Variants in PCDHGA12 observed in about 807,000 individuals in gnomAD.
PCDHGA12 encodes protocadherin gamma subfamily A, 12, also known as protocadherin gamma-A12.
PCDHGA12 carries 43 observed loss-of-function variants against 61.1 expected under a neutral mutation model. The ratio of observed to expected loss-of-function variants is 0.70; its 90% confidence interval spans 0.55 to 0.91. The LOEUF (loss-of-function observed/expected upper bound fraction) is 0.91. Ranked by LOEUF, PCDHGA12 falls within the 40% of genes least tolerant of loss-of-function variation. The pLI is 0.00. For synonymous variants in PCDHGA12, 520 were observed against 542.9 expected (o/e 0.96, Z 0.59); for missense variants, 1,236 against 1,227.7 (o/e 1.01, Z -0.10).
intron 1 of PCDHGA12, among the ~76,000 whole-genome samples, chr5:141,474,463 T>C (rs1447737626): frequency 6.6e-6 from 1 of 152,228 alleles, no homozygotes; most frequent in Admixed American, 6.5e-5. Flanking sequence ...GCTATACTCT[T>C]TATTCTAAAT....
chr5:141,432,803 G>T lies in PCDHGA12; in HGVS notation c.2044G>T (p.Ala682Ser), dbSNP rs751950423. 3 of 1,614,160 alleles carry T rather than the reference G, an allele frequency of 1.9e-6. No homozygotes were observed. The highest frequency in any genetic ancestry group is 2.2e-5 in the East Asian group (1 of 44,874). ...LADLGSLESP[A>S]NSETSDLTLY... is the part of the protein sequence containing the mutation. ...GGACCTCGGCAGCCTCGAGTCTCCA[G>T]CTAACTCTGAAACCTCAGACCTCAC... The change falls in exon 1 of 4, where the codon GCT becomes TCT. Residue 682 changes from alanine to serine, a missense_variant. Ala to Ser is a moderately conservative substitution (Grantham distance 99). Coordinates refer to ENST00000252085, the MANE Select transcript of PCDHGA12 (RefSeq NM_003735.3). This position sits in a 1 kb window ranked among gnomAD's most constrained non-coding sequence, Gnocchi z 6.0.
chr5:141,437,165 T>A (rs62379162), intron 1 of PCDHGA12, among the ~76,000 whole-genome samples: 3,747 of 152,330 alleles, frequency 0.025, 69 homozygotes, highest in Middle Eastern at 0.085. Context: ...TGTTGATTGT[T>A]TTCTGAGACT....
chr5:141,490,544 A>G lies in PCDHGA12; in HGVS notation c.2425-4263A>G. 6.2e-7 allele frequency: 1 copy of G among 1,614,120 alleles called. No individual in the cohort carries two copies. Among genetic ancestry groups the G allele is most frequent in the Non-Finnish European group, 8.5e-7 (1 of 1,180,028 alleles). ...AGCGATGCTGGTTCACCTTCCCTAC[A>G]CAAACATCTCACCATCAGGCTCAAC... On this transcript the variant is annotated intron_variant, in intron 1 of 3. Transcript: ENST00000252085. This position sits in a 1 kb window ranked among gnomAD's most constrained non-coding sequence, Gnocchi z 5.4.
Position 141,490,982 on chromosome 5 carries a change from G to A in PCDHGA12, c.2425-3825G>A, listed in dbSNP as rs964673026. 5 of 1,613,994 alleles carry A rather than the reference G, an allele frequency of 3.1e-6. No homozygotes were observed. Among genetic ancestry groups the A allele is most frequent in the Admixed American group, 1.7e-5 (1 of 60,020 alleles). On this transcript the variant is annotated intron_variant, in intron 1 of 3. Coordinates refer to ENST00000252085, the MANE Select transcript of PCDHGA12 (RefSeq NM_003735.3). This position sits in a 1 kb window ranked among gnomAD's most constrained non-coding sequence, Gnocchi z 5.4. The stretch of plus-strand genomic sequence containing the variant: ...CACTCAGCCCCCCAGCGTCTCCCTC[G>A]CTCTGCTCCTCCTGGCTCCTTGGTC...
intron 1 of PCDHGA12, among the ~76,000 whole-genome samples, chr5:141,467,421 G>T (rs957302311): frequency 6.6e-6 from 1 of 152,100 alleles, no homozygotes; most frequent in African/African-American, 2.4e-5. Flanking sequence ...CCACACCTAG[G>T]TTATAGAAAC....
intron 1 of PCDHGA12, among the ~76,000 whole-genome samples, chr5:141,438,625 TATATATATATACACACAC>T (rs1351180774): frequency 3.0e-4 from 14 of 46,412 alleles, no homozygotes; most frequent in Middle Eastern, 8.3e-3. Context: ...TATATATATA[TATATATATATACACACAC>T]ACACACACAT....
At chr5:141,453,811 A>G (rs541081089) in intron 1 of PCDHGA12, among the ~76,000 whole-genome samples, 1 of 152,350 alleles carries the variant, frequency 6.6e-6, no homozygotes, top group Admixed American at 6.5e-5. Context: ...AGTTCCATAA[A>G]GGACAAACTT....
chr5:141,444,800 A>G (rs1294854513), intron 1 of PCDHGA12, among the ~76,000 whole-genome samples: 1 of 152,078 alleles, frequency 6.6e-6, no homozygotes, highest in East Asian at 1.9e-4. Flanking sequence ...CTATTCTTTT[A>G]CTAATAGCAC....
intron 1 of PCDHGA12, among the ~76,000 whole-genome samples, chr5:141,482,356 G>A (rs1330274684): frequency 6.6e-6 from 1 of 152,118 alleles, no homozygotes; most frequent in Non-Finnish European, 1.5e-5. Flanking sequence ...TGTTGTGAGA[G>A]TGAAAAGTAA....
chr5:141,510,837 GTCAAGGCCCAGGGTGC>G, intron 3 of PCDHGA12, 94 bp from the exon 4 acceptor site: 1 of 1,586,392 alleles, frequency 6.3e-7, no homozygotes, highest in Non-Finnish European at 8.6e-7. Flanking sequence ...GCTCAGCGTG[GTCAAGGCCCAGGGTGC>G]TGTATAGGCA....
intron 1 of PCDHGA12, among the ~76,000 whole-genome samples, chr5:141,433,497 C>G (rs2097615154): frequency 6.6e-6 from 1 of 152,076 alleles, no homozygotes; most frequent in Non-Finnish European, 1.5e-5. Flanking sequence ...CCCTCCCAAA[C>G]TGCTGGGATT....
intron 1 of PCDHGA12, among the ~76,000 whole-genome samples, chr5:141,480,195 G>C (rs1350891459): frequency 6.6e-6 from 1 of 151,182 alleles, no homozygotes; most frequent in African/African-American, 2.4e-5. Flanking sequence ...CTTGAGGCCA[G>C]CAGTTCAAGA....
chr5:141,460,981 G>GTA (rs1491204135), intron 1 of PCDHGA12, among the ~76,000 whole-genome samples: 1,658 of 121,856 alleles, frequency 0.014, 27 homozygotes, highest in African/African-American at 0.051. Flanking sequence ...GTGTGTGTGT[G>GTA]TGTATATATA....
chr5:141,485,074 G>C lies in PCDHGA12; in HGVS notation c.2425-9733G>C, dbSNP rs2099606548. ...GGCCGAACCGCGCCAGAGCTGGCGC[G>C]GGGAAAGGGAGATAGGTGTCTCCAG... On this transcript the variant is annotated intron_variant, in intron 1 of 3. Coordinates refer to ENST00000252085, the MANE Select transcript of PCDHGA12 (RefSeq NM_003735.3). The surrounding 1 kb of genome is among the most constrained non-coding windows in gnomAD (Gnocchi z 5.7). 1 of 926,946 alleles carries C rather than the reference G, an allele frequency of 1.1e-6. No individual in the cohort carries two copies. The highest frequency in any genetic ancestry group is 1.6e-5 in the South Asian group (1 of 62,606). The allele number at this position is 926,946 out of a possible 1,614,324, so 57.4% of individuals were successfully genotyped here.
rs375665864 is a variant in PCDHGA12, at chr5:141,469,524, A to G, written c.2425-25283A>G. Among the ~76,000 whole-genome samples the G allele has an allele frequency of 2.4e-4, 36 of 152,260 alleles. No homozygotes were observed. The East Asian group carries it at 3.1e-3, about 13-fold the overall frequency. On this transcript the variant is annotated intron_variant, in intron 1 of 3. Coordinates refer to ENST00000252085, the MANE Select transcript of PCDHGA12 (RefSeq NM_003735.3). ...CGGGAGGTGGAGGTTGCAGTGAGCCAAGATTGTGCCACTGCACTCCAGCCT... is the reference window on the plus strand; with the variant it reads ...CGGGAGGTGGAGGTTGCAGTGAGCCGAGATTGTGCCACTGCACTCCAGCCT...
At chr5:141,449,148 T>C (rs570694341) in intron 1 of PCDHGA12, among the ~76,000 whole-genome samples, 20 of 152,268 alleles carry the variant, frequency 1.3e-4, no homozygotes, top group African/African-American at 4.8e-4. Flanking sequence ...AATTGCTGGG[T>C]CAAAGAGGAA....
At position 141,477,681 on chromosome 5, in the gene PCDHGA12, T is replaced by C; in HGVS notation, c.2425-17126T>C. On this transcript the variant is annotated intron_variant, in intron 1 of 3. Coordinates refer to ENST00000252085, the MANE Select transcript of PCDHGA12 (RefSeq NM_003735.3). The surrounding 1 kb of genome is among the most constrained non-coding windows in gnomAD (Gnocchi z 4.9). The stretch of plus-strand genomic sequence containing the variant: ...CGTGACAATGGCATAGTGTCATCCT[T>C]AGTGCCCCTAGACTATGAGGATCGG... 6.2e-7 allele frequency: 1 copy of C among 1,614,180 alleles called. No individual in the cohort carries two copies. The highest frequency in any genetic ancestry group is 8.5e-7 in the Non-Finnish European group (1 of 1,180,046).
At position 141,477,886 on chromosome 5, in the gene PCDHGA12, G is replaced by A. The variant is rs2099422999; in HGVS notation, c.2425-16921G>A. 2 of 1,614,188 alleles carry A rather than the reference G, an allele frequency of 1.2e-6. No homozygotes were observed. The highest frequency in any genetic ancestry group is 1.7e-6 in the Non-Finnish European group (2 of 1,180,040). ...GAGGTACCTCAGCTGGCCACCTAGT[G>A]TCACGGGTGGTAGGCTGGGACGCGG... On this transcript the variant is annotated intron_variant, in intron 1 of 3. Transcript: ENST00000252085. The surrounding 1 kb of genome is among the most constrained non-coding windows in gnomAD (Gnocchi z 4.9).
At chr5:141,450,702 G>A (rs1466981422) in intron 1 of PCDHGA12, among the ~76,000 whole-genome samples, 1 of 152,026 alleles carries the variant, frequency 6.6e-6, no homozygotes, top group Non-Finnish European at 1.5e-5. Flanking sequence ...GCCCAGGATG[G>A]TCTCCAACTC....
Sources: gnomAD v4.1 joint callset for allele counts (sites outside exome capture counted in the v4.1 genomes callset) on GRCh38, gnomAD v4.1.1 for gene constraint, Gnocchi (gnomAD v3.1) non-coding constraint, MANE v1.5 for transcripts, NCBI Gene and HGNC (gene_info 2026-07-23, HGNC 2026-07-21) for gene names.